Variants in RYR3 observed in about 807,000 individuals in gnomAD.
The protein encoded by RYR3 is brain ryanodine receptor-calcium release channel.
A neutral mutation model predicts 584.3 loss-of-function variants in RYR3; 207 were observed. That is an observed-to-expected ratio of 0.35 (90% confidence interval 0.32 to 0.40). RYR3 has a LOEUF of 0.40. Ranked by LOEUF, RYR3 falls within the 10% of genes least tolerant of loss-of-function variation. The probability of loss-of-function intolerance (pLI) is 1.00; values close to 1 mark genes in which losing one functional copy is unlikely to be tolerated. For missense variants in RYR3, 5,616 were observed against 6,089.2 expected, an observed-to-expected ratio of 0.92 and a Z score of 2.59; for synonymous variants, 2,416 against 2,248.5, an observed-to-expected ratio of 1.07 and a Z score of -2.11.
chr15:33,664,875 A>G (rs1217680019), intron 36 of RYR3, among the ~76,000 whole-genome samples: 1 of 152,132 alleles, frequency 6.6e-6, no homozygotes, highest in East Asian at 1.9e-4. Flanking sequence ...AAACGTAGAT[A>G]TCTATATTGG....
At chr15:33,516,087 T>G (rs2053495355) in intron 3 of RYR3, among the ~76,000 whole-genome samples, 1 of 152,224 alleles carries the variant, frequency 6.6e-6, no homozygotes, top group African/African-American at 2.4e-5. Flanking sequence ...TGTATTAAAC[T>G]ATGTTTAAAA....
chr15:33,773,656 A>G lies in RYR3; in HGVS notation c.9137+41A>G, dbSNP rs780514089. The G allele has an allele frequency of 3.8e-6, 5 of 1,315,592 alleles. No homozygotes were observed. In the Admixed American group the frequency reaches 9.5e-5, roughly 25 times the overall value. 81.5% of individuals were successfully genotyped at this position (1,315,592 alleles called of 1,614,324 possible). A position where few individuals can be genotyped will look rare whatever the true frequency, so the allele number is the denominator to read the frequency against. Reference sequence around the variant, plus strand: ...AGAGGCTAACACTTTCAGGCATAGTAAAATGTTACTTACAGCCTTTTACAC... The same window carrying G: ...AGAGGCTAACACTTTCAGGCATAGTGAAATGTTACTTACAGCCTTTTACAC... On this transcript the variant is annotated intron_variant, in intron 64 of 103. Coordinates refer to ENST00000634891, the MANE Select transcript of RYR3 (RefSeq NM_001036.6).
rs183498466 is a variant in RYR3 at position 33,340,214 on chromosome 15, C to T, written c.51+29118C>T. 2.5e-3 allele frequency among the ~76,000 whole-genome samples: 382 copies of T among 152,326 alleles called. 1 individual carries two copies. Among genetic ancestry groups the T allele is most frequent in the Non-Finnish European group, 4.2e-3 (288 of 68,028 alleles). On this transcript the variant is annotated intron_variant, in intron 1 of 103. Transcript: ENST00000634891. The stretch of plus-strand genomic sequence containing the variant: ...AGCTCTCACATCACCATGACACAAC[C>T]ATTGCACACATTGCAGGTTAGGAGA...
intron 18 of RYR3, among the ~76,000 whole-genome samples, chr15:33,612,354 A>G (rs996757824): frequency 6.6e-6 from 1 of 152,110 alleles, no homozygotes; most frequent in Admixed American, 6.5e-5. Context: ...TACGTAGCAT[A>G]GTTTTTTTGT....
At chr15:33,790,638 G>A (rs955912510) in intron 67 of RYR3, among the ~76,000 whole-genome samples, 1 of 152,144 alleles carries the variant, frequency 6.6e-6, no homozygotes, top group Non-Finnish European at 1.5e-5. Flanking sequence ...AAGTGAAAAT[G>A]TTGAATGGAC....
chr15:33,400,581 C>G (rs2042591949), intron 1 of RYR3, among the ~76,000 whole-genome samples: 1 of 152,006 alleles, frequency 6.6e-6, no homozygotes, highest in South Asian at 2.1e-4. Flanking sequence ...TTCGTGGAGA[C>G]TTTCTTCCTT....
At position 33,540,883 on chromosome 15, in the gene RYR3, C is replaced by G. The variant is rs1467070057; in HGVS notation, c.639C>G (p.Ile213Met). 1.9e-6 allele frequency: 3 copies of G among 1,606,604 alleles called. 1 individual carries two copies. Among genetic ancestry groups the G allele is most frequent in the Admixed American group, 3.3e-5 (2 of 59,962 alleles). Residue 213 changes from isoleucine to methionine, a missense_variant, in exon 7 of 104, where the codon ATC becomes ATG. This residue lies in a region of RYR3 where 1,284 missense variants were observed against 1,344.6 expected (regional missense o/e 0.95). Transcript: ENST00000634891. ...NVHPTCSGSS[I>M]EEGYLLGGHV... ...ATCCTACGTGCTCAGGAAGTAGCAT[C>G]GAAGAAGGTGTGCTTCTTTAAATGC...
At chr15:33,607,756 G>A (rs1298508317) in intron 18 of RYR3, among the ~76,000 whole-genome samples, 2 of 151,932 alleles carry the variant, frequency 1.3e-5, no homozygotes, top group Admixed American at 6.6e-5. Flanking sequence ...TATTCCTACA[G>A]TGTCCCGGCA....
intron 34 of RYR3, among the ~76,000 whole-genome samples, chr15:33,661,646 A>G (rs2063170025): frequency 6.6e-6 from 1 of 152,044 alleles, no homozygotes; most frequent in Non-Finnish European, 1.5e-5. Context: ...TGCAGCCTAG[A>G]TCCCTCGCAT....
At chr15:33,645,176 A>G (rs2062032628) in intron 28 of RYR3, among the ~76,000 whole-genome samples, 1 of 152,156 alleles carries the variant, frequency 6.6e-6, no homozygotes, top group Admixed American at 6.5e-5. Context: ...ACGTCTGATC[A>G]TTGATTAATC....
chr15:33,704,216 G>A (rs1223095671), intron 42 of RYR3, among the ~76,000 whole-genome samples: 2 of 151,552 alleles, frequency 1.3e-5, no homozygotes, highest in African/African-American at 4.9e-5. Context: ...AGAGGTTGCA[G>A]TGAGCCGAGA....
chr15:33,440,631 C>G (rs2046140455), intron 1 of RYR3, among the ~76,000 whole-genome samples: 1 of 152,156 alleles, frequency 6.6e-6, no homozygotes, highest in Admixed American at 6.5e-5. Flanking sequence ...ACTTTAAAAC[C>G]TACATTATCA....
chr15:33,763,808 G>A (rs1025649573), intron 60 of RYR3, among the ~76,000 whole-genome samples: 4 of 146,500 alleles, frequency 2.7e-5, no homozygotes, highest in Admixed American at 2.1e-4. Context: ...CAGGACAATC[G>A]CTTGAATCCA....
At chr15:33,647,317 G>C (rs116611410) in intron 29 of RYR3, 107 bp from the exon 30 acceptor site, 1 of 847,468 alleles carries the variant, frequency 1.2e-6, no homozygotes, top group Non-Finnish European at 2.0e-6. Context: ...GGAGTAGCCA[G>C]TTTCCTAAAC....
intron 67 of RYR3, among the ~76,000 whole-genome samples, chr15:33,794,346 A>ACATATAT (rs1567185768): frequency 3.5e-3 from 196 of 56,414 alleles, no homozygotes; most frequent in African/African-American, 9.2e-3. Flanking sequence ...TATATATATA[A>ACATATAT]AAATATATAT....
Position 33,854,729 on chromosome 15 carries a change from C to G in RYR3, c.13861-37C>G, listed in dbSNP as rs774074918. 3.2e-6 allele frequency: 5 copies of G among 1,577,336 alleles called. No homozygotes were observed. The South Asian group carries it at 6.0e-5, about 19-fold the overall frequency. On this transcript the variant is annotated intron_variant, in intron 97 of 103. Transcript: ENST00000634891. Reference sequence around the variant, plus strand: ...GTTTTATAATGAGCACACTATGAGGCAAACATGCTTAAAAGTCTGCTTTCT... The same window carrying G: ...GTTTTATAATGAGCACACTATGAGGGAAACATGCTTAAAAGTCTGCTTTCT...
chr15:33,459,918 G>A (rs1025001655), intron 1 of RYR3, among the ~76,000 whole-genome samples: 3 of 152,088 alleles, frequency 2.0e-5, no homozygotes, highest in Non-Finnish European at 2.9e-5. Flanking sequence ...AATATGATGA[G>A]GATATGGAAC....
rs1567315084 is a variant in RYR3, at chr15:33,473,262, T to C, written c.52-157T>C. ...TAGATGCTCCGTGATGTCCTGTGAA[T>C]AAAAAATCTCCTTCCGTAATCAGGT... is the stretch of plus-strand genomic sequence containing the variant. On this transcript the variant is annotated intron_variant, in intron 1 of 103. Transcript: ENST00000634891. The C allele has an allele frequency of 5.7e-6, 5 of 875,426 alleles. No homozygotes were observed. In the African/African-American group the frequency reaches 8.2e-5, roughly 14 times the overall value. 54.2% of individuals were successfully genotyped at this position (875,426 alleles called of 1,614,324 possible).
chr15:33,622,584 C>T (rs934160701), intron 19 of RYR3, among the ~76,000 whole-genome samples: 1 of 152,186 alleles, frequency 6.6e-6, no homozygotes, highest in Non-Finnish European at 1.5e-5. Context: ...ATACCTTGTT[C>T]ATTGCTGAAT....
Sources: allele counts gnomAD v4.1 joint callset (sites outside exome capture counted in the v4.1 genomes callset), GRCh38; gene constraint gnomAD v4.1.1; regional missense constraint gnomAD v4.1.1; transcripts MANE v1.5; gene names NCBI Gene and HGNC (gene_info 2026-07-23, HGNC 2026-07-21).